ZNF227: variants seen among roughly 807,000 people sequenced by gnomAD.
ZNF227 encodes the protein zinc finger protein 227.
Under a neutral mutation model 13.2 loss-of-function variants are expected in ZNF227, and 12 were observed. The ratio of observed to expected loss-of-function variants is 0.91; its 90% CI spans 0.58 to 1.47. ZNF227 has a LOEUF of 1.47. Among genes scored for constraint, ZNF227 ranks in the 40% most tolerant of loss-of-function variants. The pLI, the probability that ZNF227 is intolerant of heterozygous loss-of-function variation, is 0.00. For missense variants in ZNF227, 885 were observed against 967.5 expected (o/e 0.91, Z 1.13); for synonymous variants, 338 against 326.0 (o/e 1.04, Z -0.40).
intron 3 of ZNF227, among the ~76,000 whole-genome samples, chr19:44,220,963 A>T (rs1972436405): frequency 6.6e-6 from 1 of 152,086 alleles, no homozygotes; most frequent in Admixed American, 6.6e-5. Flanking sequence ...AATTTCATCC[A>T]TGTCCCTACA....
In ZNF227 at chr19:44,236,716, T is replaced by G. The variant is rs1300702369; in HGVS notation, c.2286T>G (p.His762Gln). The G allele has an allele frequency of 6.2e-7, 1 of 1,613,970 alleles. No homozygotes were observed. The highest frequency in any genetic ancestry group is 8.5e-7 in the Non-Finnish European group (1 of 1,180,002). The change falls in exon 6 of 6, where the codon CAT becomes CAG. Residue 762 changes from histidine (H) to glutamine (Q), a missense_variant. Transcript: ENST00000313040. ...GFSQSARLEA[H>Q]QRVHTGEKPY... ...GTCAGAGTGCACGTCTTGAAGCCCA[T>G]CAGAGAGTCCACACTGGAGAAAAAC... is the stretch of plus-strand genomic sequence containing the variant.
At chr19:44,233,924 G>A (rs1189081252) in intron 5 of ZNF227, among the ~76,000 whole-genome samples, 1 of 152,032 alleles carries the variant, frequency 6.6e-6, no homozygotes, top group African/African-American at 2.4e-5. Flanking sequence ...TGGTGGTACC[G>A]TTGATTTATT....
intron 3 of ZNF227, among the ~76,000 whole-genome samples, chr19:44,226,225 G>A (rs1264404283): frequency 6.6e-6 from 1 of 152,226 alleles, no homozygotes; most frequent in Non-Finnish European, 1.5e-5. Flanking sequence ...GCTGCTTGGA[G>A]GTCAAGGACC....
chr19:44,235,495 G>A lies in ZNF227; in HGVS notation c.1065G>A (p.Glu355=). The change falls in exon 6 of 6, where the codon GAG becomes GAA. Residue 355 remains glutamate (E), a synonymous_variant. Transcript: ENST00000313040. ...CTGGAGAGAAACCCTATAAATGCGA[G>A]GAATGTGGTAAATGCTTTAGTCAAA... is the stretch of plus-strand genomic sequence containing the variant. ...THTGEKPYKC[E]ECGKCFSQSS... 2 of 1,613,998 alleles carry A rather than the reference G, an allele frequency of 1.2e-6. No homozygotes were observed. Among genetic ancestry groups the A allele is most frequent in the South Asian group, 2.2e-5 (2 of 91,074 alleles).
At chr19:44,234,581 G>T in intron 5 of ZNF227, 121 bp from the exon 6 acceptor site, 2 of 896,420 alleles carry the variant, frequency 2.2e-6, no homozygotes, top group Non-Finnish European at 3.3e-6. Context: ...TAAGGACAAG[G>T]TCACCTTTCG....
intron 2 of ZNF227, among the ~76,000 whole-genome samples, chr19:44,216,958 G>GT (rs35474532): frequency 0.02 from 1,849 of 91,600 alleles, 56 homozygotes; most frequent in African/African-American, 0.04. Flanking sequence ...TCATCTGCTT[G>GT]TTTTTTTTTT....
intron 3 of ZNF227, among the ~76,000 whole-genome samples, chr19:44,222,505 A>G (rs950766330): frequency 6.6e-6 from 1 of 150,752 alleles, no homozygotes; most frequent in African/African-American, 2.4e-5. Flanking sequence ...ATTCCTAGGT[A>G]TTTTATTCTC....
chr19:44,226,924 C>T (rs1429182885), intron 3 of ZNF227, among the ~76,000 whole-genome samples: 1 of 152,200 alleles, frequency 6.6e-6, no homozygotes, highest in Non-Finnish European at 1.5e-5. Context: ...TGGCTCCACC[C>T]CTCAAAACTT....
intron 2 of ZNF227, chr19:44,217,527 ATGT>A (rs1972019254): frequency 1.5e-6 from 1 of 653,574 alleles, no homozygotes; most frequent in African/African-American, 1.8e-5. Flanking sequence ...GAGCCCTCAT[ATGT>A]TGTTACATTG....
chr19:44,229,072 G>A (rs1973499503), intron 4 of ZNF227: 1 of 157,120 alleles, frequency 6.4e-6, no homozygotes, highest in South Asian at 2.1e-4. Context: ...GCACTGTACT[G>A]GCTTTTTTTT....
Position 44,234,813 on chromosome 19 carries a change from C to A in ZNF227, c.383C>A (p.Thr128Asn). Residue 128 changes from threonine to asparagine, a missense_variant, in exon 6 of 6, where the codon ACC becomes AAC. Transcript: ENST00000313040. Reference protein sequence around the residue: ...QIWKQVASELTRCLQGKSSQL... With the variant: ...QIWKQVASELNRCLQGKSSQL... ...TGGAAACAGGTTGCAAGTGAATTAA[C>A]CAGGTGTCTTCAGGGGAAGAGTTCC... 1.2e-6 allele frequency: 2 copies of A among 1,614,028 alleles called. No individual in the cohort carries two copies. The highest frequency in any genetic ancestry group is 1.7e-6 in the Non-Finnish European group (2 of 1,180,018).
intron 3 of ZNF227, among the ~76,000 whole-genome samples, chr19:44,221,429 T>G (rs1232602892): frequency 1.3e-5 from 2 of 152,204 alleles, no homozygotes; most frequent in Non-Finnish European, 2.9e-5. Flanking sequence ...ACCTGTTGTT[T>G]CCTGACTTTT....
intron 3 of ZNF227, chr19:44,228,185 T>A: frequency 3.3e-6 from 1 of 299,962 alleles, no homozygotes; most frequent in South Asian, 6.5e-5. Context: ...GAGCAGAGAT[T>A]GCGCCACTGC....
intron 5 of ZNF227, among the ~76,000 whole-genome samples, chr19:44,230,926 A>AATATATATATATATATATATAT (rs58952117): frequency 1.5e-5 from 1 of 68,134 alleles, no homozygotes; most frequent in African/African-American, 9.8e-5. Context: ...AAAAAAAAAA[A>AATATATATATATATATATATAT]ATATATATAT....
chr19:44,232,606 G>A (rs1432940438), intron 5 of ZNF227, among the ~76,000 whole-genome samples: 1 of 151,932 alleles, frequency 6.6e-6, no homozygotes, highest in African/African-American at 2.4e-5. Context: ...TAGGCTCATT[G>A]GATAATCTAG....
Position 44,236,300 on chromosome 19 carries a change from A to C in ZNF227, c.1870A>C (p.Arg624=). The change falls in exon 6 of 6, where the codon AGA becomes CGA. Residue 624 remains arginine (R), a synonymous_variant. Coordinates refer to ENST00000313040, the MANE Select transcript of ZNF227 (RefSeq NM_182490.3). ...GGCCATAGATTTTCGGGTACATCAG[A>C]GAGTCCATACTGGAGAGAAGCCATA... is the stretch of plus-strand genomic sequence containing the variant. ...SQAIDFRVHQ[R]VHTGEKPYKC... 2 of 1,613,936 alleles carry C rather than the reference A, an allele frequency of 1.2e-6. No homozygotes were observed. Among genetic ancestry groups the C allele is most frequent in the South Asian group, 2.2e-5 (2 of 91,058 alleles).
chr19:44,222,875 A>C (rs1414368594), intron 3 of ZNF227, among the ~76,000 whole-genome samples: 1 of 151,520 alleles, frequency 6.6e-6, no homozygotes, highest in Non-Finnish European at 1.5e-5. Context: ...GTTTTTGCCC[A>C]TTCAGTATGA....
intron 3 of ZNF227, among the ~76,000 whole-genome samples, chr19:44,227,968 C>G (rs1390860236): frequency 1.3e-5 from 2 of 152,128 alleles, no homozygotes; most frequent in Non-Finnish European, 2.9e-5. Flanking sequence ...GTGGCTCACA[C>G]CTATAATCAC....
chr19:44,234,548 T>C (rs1248635997), intron 5 of ZNF227, among the ~76,000 whole-genome samples, 154 bp from the exon 6 acceptor site: 1 of 152,224 alleles, frequency 6.6e-6, no homozygotes, highest in Non-Finnish European at 1.5e-5. Flanking sequence ...ATGAAAAACA[T>C]GTCAAAAGAA....
Sources: allele counts gnomAD v4.1 joint callset (sites outside exome capture counted in the v4.1 genomes callset), GRCh38; gene constraint gnomAD v4.1.1; transcripts MANE v1.5; gene names NCBI Gene and HGNC (gene_info 2026-07-23, HGNC 2026-07-21).